The following NECTIN2 variants were observed in gnomAD, a reference collection of about 807,000 sequenced individuals.
The protein encoded by NECTIN2 is nectin-2.
NECTIN2 carries 23 observed loss-of-function variants against 56.9 expected under a neutral mutation model. The ratio of observed to expected loss-of-function variants is 0.40; its 90% CI spans 0.29 to 0.57. The LOEUF (loss-of-function observed/expected upper bound fraction) is 0.57, where lower values mean the gene tolerates loss of function less well. Ranked by LOEUF, NECTIN2 falls within the 20% of genes least tolerant of loss-of-function variation. The pLI, the probability that NECTIN2 is intolerant of heterozygous loss-of-function variation, is 0.38. For missense variants in NECTIN2, 587 were observed against 718.3 expected (o/e 0.82, Z 2.09); for synonymous variants, 302 against 313.8 (o/e 0.96, Z 0.40).
intron 2 of NECTIN2, among the ~76,000 whole-genome samples, chr19:44,868,727 C>G (rs1003934760): frequency 1.3e-5 from 2 of 151,472 alleles, no homozygotes; most frequent in African/African-American, 2.4e-5. Context: ...TCCTGGCTAA[C>G]ACGGTGAAAC....
chr19:44,851,163 C>T (rs1380136835), intron 1 of NECTIN2, among the ~76,000 whole-genome samples: 4 of 149,562 alleles, frequency 2.7e-5, no homozygotes, highest in Non-Finnish European at 5.9e-5. Flanking sequence ...GGAGTTCAGG[C>T]CCCCATCCCT....
chr19:44,884,526 A>G (rs1969339604), intron 6 of NECTIN2, among the ~76,000 whole-genome samples: 1 of 152,208 alleles, frequency 6.6e-6, no homozygotes, highest in Admixed American at 6.5e-5. Context: ...CCACTGTCTT[A>G]ATCATCTAGT....
chr19:44,864,894 G>A (rs1467771940), intron 1 of NECTIN2, among the ~76,000 whole-genome samples: 1 of 152,110 alleles, frequency 6.6e-6, no homozygotes, highest in African/African-American at 2.4e-5. Context: ...TTGACAATGG[G>A]TGACATATTT....
At chr19:44,856,606 C>G (rs890537242) in intron 1 of NECTIN2, among the ~76,000 whole-genome samples, 2 of 152,174 alleles carry the variant, frequency 1.3e-5, no homozygotes, top group African/African-American at 2.4e-5. Context: ...GGCCTTCCCC[C>G]CTTGCCTAGC....
intron 5 of NECTIN2, among the ~76,000 whole-genome samples, chr19:44,879,858 A>G (rs34224078): frequency 0.12 from 18,349 of 152,184 alleles, 1,217 homozygotes; most frequent in African/African-American, 0.16. Flanking sequence ...TGTGCCAGGC[A>G]GTGCTGGGGC....
At position 44,882,257 on chromosome 19, in the gene NECTIN2, G is replaced by A; in HGVS notation, c.1089G>A (p.Gly363=). 1.3e-6 allele frequency: 2 copies of A among 1,553,812 alleles called. No homozygotes were observed. Among genetic ancestry groups the A allele is most frequent in the Non-Finnish European group, 1.7e-6 (2 of 1,148,950 alleles). The change falls in exon 6 of 9, where the codon GGG becomes GGA. Residue 363 remains glycine (G), a synonymous_variant. Coordinates refer to ENST00000252483, the MANE Select transcript of NECTIN2 (RefSeq NM_001042724.2). ...AGAGATGGII[G]GIIAAIIATA... ...CAGGGGCCACAGGCGGCATCATCGG[G>A]GGCATCATCGCCGCCATCATTGCTA...
At chr19:44,871,390 T>C (rs1053316019) in intron 2 of NECTIN2, among the ~76,000 whole-genome samples, 3 of 152,066 alleles carry the variant, frequency 2.0e-5, no homozygotes, top group African/African-American at 4.8e-5. Context: ...TAGCCGGGCA[T>C]GGTGGTGCAT....
At chr19:44,860,211 G>A (rs193081103) in intron 1 of NECTIN2, among the ~76,000 whole-genome samples, 1 of 152,280 alleles carries the variant, frequency 6.6e-6, no homozygotes, top group East Asian at 1.9e-4. Context: ...TAATGGATAA[G>A]GGGGTTACTT....
intron 3 of NECTIN2, 72 bp from the exon 4 acceptor site, chr19:44,873,844 G>A (rs1232005086): frequency 4.3e-6 from 5 of 1,158,504 alleles, no homozygotes; most frequent in Admixed American, 3.6e-5. Context: ...TAGCATTCCT[G>A]TCTATCTGCT....
In NECTIN2 at chr19:44,888,369, T is replaced by C; in HGVS notation, c.1607T>C (p.Met536Thr). 6.2e-7 allele frequency: 1 copy of C among 1,610,360 alleles called. No homozygotes were observed. Among genetic ancestry groups the C allele is most frequent in the Middle Eastern group, 1.7e-4 (1 of 6,044 alleles). ...AAAGGCTTTGTCATGTCCCGGGCCA[T>C]GTATGTGTGAGCTGCCATGCGCCTG... The part of the protein sequence containing the change: ...QGKGFVMSRA[M>T]YV The change falls in exon 9 of 9, where the codon ATG (methionine) becomes ACG (threonine). Residue 536 changes from methionine (M) to threonine (T), a missense_variant. By Grantham distance (81) the Met-to-Thr change is moderately conservative. Transcript: ENST00000252483.
intron 5 of NECTIN2, among the ~76,000 whole-genome samples, chr19:44,877,902 A>T (rs755892617): frequency 3.9e-5 from 6 of 152,190 alleles, no homozygotes; most frequent in Non-Finnish European, 8.8e-5. Context: ...TTTTAAGTGA[A>T]ATCGCCTGAT....
At chr19:44,873,692 C>T (rs1428228054) in intron 3 of NECTIN2, among the ~76,000 whole-genome samples, 1 of 152,120 alleles carries the variant, frequency 6.6e-6, no homozygotes, top group Non-Finnish European at 1.5e-5. Context: ...GCACTGCCAG[C>T]ACTGAACAAT....
chr19:44,874,977 C>T lies in NECTIN2; in HGVS notation c.1042+499C>T, dbSNP rs1488254373. The stretch of plus-strand genomic sequence containing the variant: ...CAACTGCAGGGCCACACACCTAGAG[C>T]GCGGCCGGGACTGTTAACAGAGCCA... On this transcript the variant is annotated intron_variant, in intron 5 of 8. Coordinates refer to ENST00000252483, the MANE Select transcript of NECTIN2 (RefSeq NM_001042724.2). This position sits in a 1 kb window ranked among gnomAD's most constrained non-coding sequence, Gnocchi z 6.3. Among the ~76,000 whole-genome samples, 9 of 152,148 alleles carry T rather than the reference C, an allele frequency of 5.9e-5. No homozygotes were observed. The highest frequency in any genetic ancestry group is 1.9e-4 in the African/African-American group (8 of 41,436).
rs1318565067 is a variant in NECTIN2, at chr19:44,889,150, C to T, written c.*771C>T. 1 of 152,298 alleles carries T rather than the reference C, an allele frequency of 6.6e-6. No homozygotes were observed. The highest frequency in any genetic ancestry group is 1.5e-5 in the Non-Finnish European group (1 of 68,064). The allele number at this position is 152,298 out of a possible 1,614,324, so 9.4% of individuals were successfully genotyped here. ...CATCCCCCTTCCGGGGAAAGTGGGT[C>T]ATCTGAATTGGGGGTAGCAATTGAT... On this transcript the variant is annotated 3_prime_UTR_variant, in exon 9 of 9. Transcript: ENST00000252483.
In NECTIN2 at chr19:44,864,073, G is replaced by A. The variant is rs371388150; in HGVS notation, c.89-1198G>A. Among the ~76,000 whole-genome samples the A allele has an allele frequency of 6.0e-5, 9 of 149,034 alleles. No homozygotes were observed. The East Asian group carries it at 1.5e-3, about 25-fold the overall frequency. ...GGGTGGGCTGGGTACAGTGGCTCAC[G>A]CCTATAATCCCAGCACTTTGAGAGG... On this transcript the variant is annotated intron_variant, in intron 1 of 8. Coordinates refer to ENST00000252483, the MANE Select transcript of NECTIN2 (RefSeq NM_001042724.2).
At chr19:44,852,757 G>A (rs1397749499) in intron 1 of NECTIN2, among the ~76,000 whole-genome samples, 1 of 152,006 alleles carries the variant, frequency 6.6e-6, no homozygotes, top group Non-Finnish European at 1.5e-5. Context: ...AGGTGACAGG[G>A]TTTCCTGATA....
chr19:44,874,525 C>T lies in NECTIN2; in HGVS notation c.1042+47C>T. The T allele has an allele frequency of 6.2e-7, 1 of 1,603,914 alleles. No homozygotes were observed. The highest frequency in any genetic ancestry group is 8.5e-7 in the Non-Finnish European group (1 of 1,178,398). Reference sequence around the variant, plus strand: ...TGTGTGGAGACCTGGGTCCGCTCCCCTGGAGTTCTGCCCTTCAGGACTTGG... The same window carrying T: ...TGTGTGGAGACCTGGGTCCGCTCCCTTGGAGTTCTGCCCTTCAGGACTTGG... On this transcript the variant is annotated intron_variant, in intron 5 of 8. Coordinates refer to ENST00000252483, the MANE Select transcript of NECTIN2 (RefSeq NM_001042724.2). This position sits in a 1 kb window ranked among gnomAD's most constrained non-coding sequence, Gnocchi z 6.3.
intron 2 of NECTIN2, among the ~76,000 whole-genome samples, chr19:44,868,474 T>TC (rs1246733522): frequency 6.7e-6 from 1 of 148,894 alleles, no homozygotes; most frequent in Non-Finnish European, 1.5e-5. Context: ...TTCTTTTTTT[T>TC]TTTTTTTCTT....
rs914654656 is a variant in NECTIN2 at position 44,865,915 on chromosome 19, G to C, written c.478+255G>C. Among the ~76,000 whole-genome samples, 3 of 152,182 alleles carry C rather than the reference G, an allele frequency of 2.0e-5. No individual in the cohort carries two copies. Among genetic ancestry groups the C allele is most frequent in the Admixed American group, 6.5e-5 (1 of 15,284 alleles). On this transcript the variant is annotated intron_variant, in intron 2 of 8. Coordinates refer to ENST00000252483, the MANE Select transcript of NECTIN2 (RefSeq NM_001042724.2). This position sits in a 1 kb window ranked among gnomAD's most constrained non-coding sequence, Gnocchi z 5.2. ...TGGCTGGGCGCAGTGGCCCACCCCT[G>C]TAATCCTAGCACTTTGGAAGGCCGA...
Sources: gnomAD v4.1 joint callset for allele counts (sites outside exome capture counted in the v4.1 genomes callset) on GRCh38, gnomAD v4.1.1 for gene constraint, Gnocchi (gnomAD v3.1) non-coding constraint, MANE v1.5 for transcripts, NCBI Gene and HGNC (gene_info 2026-07-23, HGNC 2026-07-21) for gene names.